Variants in ACYP2 observed in about 807,000 individuals in gnomAD.
ACYP2 encodes acylphosphatase-2.
A neutral mutation model predicts 11.2 loss-of-function variants in ACYP2; 12 were observed. The observed-to-expected ratio is 1.08, with a 90% CI of 0.69 to 1.74. ACYP2 has a LOEUF of 1.74. Among genes scored for constraint, ACYP2 ranks in the 40% most tolerant of loss-of-function variants. The probability of loss-of-function intolerance (pLI) is 0.00; values close to 1 mark genes in which losing one functional copy is unlikely to be tolerated. For missense variants in ACYP2, 134 were observed against 101.9 expected (o/e 1.31, Z -1.35); for synonymous variants, 43 against 32.2 (o/e 1.33, Z -1.13).
chr2:54,005,406 C>A (rs1014335037), intron 2 of ACYP2, among the ~76,000 whole-genome samples: 1 of 149,962 alleles, frequency 6.7e-6, no homozygotes, highest in Non-Finnish European at 1.5e-5. Context: ...AGGGCACAAT[C>A]TTGGCTCACT....
intron 6 of ACYP2, among the ~76,000 whole-genome samples, chr2:54,164,165 G>T (rs914356504): frequency 5.9e-5 from 9 of 152,174 alleles, no homozygotes; most frequent in Non-Finnish European, 1.2e-4. Flanking sequence ...TCAGAGGAGA[G>T]GGAAGGTGGG....
At chr2:54,010,766 G>A (rs1256696928) in intron 2 of ACYP2, among the ~76,000 whole-genome samples, 1 of 28,574 alleles carries the variant, frequency 3.5e-5, no homozygotes, top group Non-Finnish European at 6.4e-5. Context: ...TTTTTTTTTT[G>A]AGGCAGCAGA....
intron 6 of ACYP2, among the ~76,000 whole-genome samples, chr2:54,152,264 C>A (rs908910552): frequency 5.9e-5 from 9 of 151,794 alleles, no homozygotes; most frequent in Non-Finnish European, 1.3e-4. Context: ...ACTAAAAACA[C>A]GTACATGATG....
At chr2:54,165,541 A>T (rs1256765590) in intron 6 of ACYP2, among the ~76,000 whole-genome samples, 1 of 141,648 alleles carries the variant, frequency 7.1e-6, no homozygotes, top group African/African-American at 2.7e-5. Context: ...TCTCTCACAC[A>T]CACACACACA....
At chr2:54,195,237 A>G (rs975824976) in intron 6 of ACYP2, among the ~76,000 whole-genome samples, 5 of 152,220 alleles carry the variant, frequency 3.3e-5, no homozygotes, top group Non-Finnish European at 7.3e-5. Context: ...GGGCATTGCC[A>G]GTCACAAACC....
chr2:54,179,575 G>A (rs2103865519), intron 6 of ACYP2, among the ~76,000 whole-genome samples: 1 of 152,268 alleles, frequency 6.6e-6, no homozygotes, highest in East Asian at 1.9e-4. Flanking sequence ...ACAAGGGGTG[G>A]ATTATTCATG....
intron 4 of ACYP2, among the ~76,000 whole-genome samples, chr2:54,089,046 A>G (rs531162595): frequency 7.9e-5 from 12 of 152,376 alleles, no homozygotes; most frequent in Non-Finnish European, 1.5e-4. Context: ...CAGGACTTCT[A>G]TGCTAATAGG....
intron 2 of ACYP2, among the ~76,000 whole-genome samples, chr2:53,992,146 TC>T (rs1672331523): frequency 6.7e-6 from 1 of 149,600 alleles, no homozygotes; most frequent in African/African-American, 2.5e-5. Context: ...TTCCTTCCTT[TC>T]TTTCTTTCCT....
intron 4 of ACYP2, among the ~76,000 whole-genome samples, chr2:54,096,275 G>C (rs1678569605): frequency 6.9e-6 from 1 of 144,670 alleles, no homozygotes; most frequent in Non-Finnish European, 1.5e-5. Context: ...TCAGACGATG[G>C]GTGGCCGGGC....
intron 4 of ACYP2, among the ~76,000 whole-genome samples, chr2:54,127,930 G>T (rs991769683): frequency 3.3e-5 from 5 of 152,182 alleles, no homozygotes; most frequent in African/African-American, 9.7e-5. Flanking sequence ...CTTTGTTAGT[G>T]ACATCTTGAA....
At chr2:54,125,253 G>GTTAT (rs1680415534) in intron 4 of ACYP2, among the ~76,000 whole-genome samples, 1 of 150,446 alleles carries the variant, frequency 6.6e-6, no homozygotes, top group African/African-American at 2.5e-5. Context: ...AAAGTCTTGT[G>GTTAT]GTTTTTATGT....
chr2:54,143,541 C>T (rs1681716996), intron 6 of ACYP2, among the ~76,000 whole-genome samples: 1 of 152,102 alleles, frequency 6.6e-6, no homozygotes, highest in African/African-American at 2.4e-5. Flanking sequence ...TCAAGCAATT[C>T]TTCTGCCTCA....
intron 4 of ACYP2, among the ~76,000 whole-genome samples, chr2:54,090,869 T>C (rs1188081576): frequency 6.6e-6 from 1 of 152,196 alleles, no homozygotes; most frequent in Non-Finnish European, 1.5e-5. Flanking sequence ...TAGGCAGCAC[T>C]TGCATAGACT....
intron 6 of ACYP2, among the ~76,000 whole-genome samples, chr2:54,250,748 A>G (rs1261131658): frequency 1.3e-5 from 2 of 152,246 alleles, no homozygotes; most frequent in African/African-American, 4.8e-5. Flanking sequence ...ACCCAAATAC[A>G]TTGCTGTATA....
intron 4 of ACYP2, among the ~76,000 whole-genome samples, chr2:54,129,592 TA>T (rs1190271105): frequency 2.0e-5 from 3 of 150,300 alleles, no homozygotes; most frequent in African/African-American, 7.3e-5. Flanking sequence ...ATAGTATATA[TA>T]CTATCTATTA....
At chr2:54,264,616 C>A (rs1687935716) in intron 6 of ACYP2, among the ~76,000 whole-genome samples, 1 of 152,110 alleles carries the variant, frequency 6.6e-6, no homozygotes, top group East Asian at 1.9e-4. Context: ...AAGGTAATTG[C>A]CCAAAAAGGG....
chr2:53,975,845 A>G (rs910038073), intron 2 of ACYP2, among the ~76,000 whole-genome samples: 1 of 152,096 alleles, frequency 6.6e-6, no homozygotes, highest in African/African-American at 2.4e-5. Context: ...CAAACAAAAA[A>G]AACAGGATGT....
At chr2:54,258,808 G>GGGTAATTTATAA (rs1687661551) in intron 6 of ACYP2, among the ~76,000 whole-genome samples, 1 of 152,132 alleles carries the variant, frequency 6.6e-6, no homozygotes, top group African/African-American at 2.4e-5. Flanking sequence ...CTGAATACCT[G>GGGTAATTTATAA]AGACTGGGTA....
chr2:54,039,110 G>A lies in ACYP2; in HGVS notation c.63-11848G>A, dbSNP rs189798023. On this transcript the variant is annotated intron_variant, in intron 2 of 6. Transcript: ENST00000607452. The stretch of plus-strand genomic sequence containing the variant: ...TGCTCCTATAATAGAACAGGGAAGT[G>A]GGAAAGAAGTAGAGGGTGAGGTTGG... Among the ~76,000 whole-genome samples the A allele has an allele frequency of 9.2e-5, 14 of 152,086 alleles. No homozygotes were observed. In the East Asian group the frequency reaches 2.3e-3, roughly 25 times the overall value.
Sources: allele counts gnomAD v4.1 joint callset (sites outside exome capture counted in the v4.1 genomes callset), GRCh38; gene constraint gnomAD v4.1.1; transcripts MANE v1.5; gene names NCBI Gene and HGNC (gene_info 2026-07-23, HGNC 2026-07-21).